PLB1: variants seen among roughly 807,000 people sequenced by gnomAD.
PLB1 encodes phospholipase B1, membrane-associated.
Under a neutral mutation model 227.4 loss-of-function variants are expected in PLB1, and 242 were observed. The observed-to-expected ratio is 1.06, with a 90% confidence interval of 0.96 to 1.18. The LOEUF (loss-of-function observed/expected upper bound fraction) is 1.18. PLB1 is among the 50% of genes most tolerant of loss of function. The pLI is 0.00. For missense variants in PLB1, 1,858 were observed against 1,816.3 expected (o/e 1.02, Z -0.42); for synonymous variants, 757 against 682.2 (o/e 1.11, Z -1.71).
intron 3 of PLB1, among the ~76,000 whole-genome samples, chr2:28,519,165 T>C (rs142861614): frequency 9.5e-4 from 145 of 152,260 alleles, no homozygotes; most frequent in African/African-American, 3.4e-3. Context: ...ACTTCATTGC[T>C]AAAGATGCCA....
At chr2:28,625,699 C>CT (rs1687658791) in intron 50 of PLB1, among the ~76,000 whole-genome samples, 1 of 152,152 alleles carries the variant, frequency 6.6e-6, no homozygotes, top group African/African-American at 2.4e-5. Context: ...CCAGGGGCAG[C>CT]TTAGGGCCTT....
At chr2:28,545,731 C>A (rs1446380966) in intron 14 of PLB1, among the ~76,000 whole-genome samples, 1 of 152,174 alleles carries the variant, frequency 6.6e-6, no homozygotes. Context: ...GCCACCACAT[C>A]TGTGATTCTT....
At chr2:28,553,675 T>C (rs983169192) in intron 17 of PLB1, among the ~76,000 whole-genome samples, 4 of 152,180 alleles carry the variant, frequency 2.6e-5, no homozygotes, top group Non-Finnish European at 5.9e-5. Flanking sequence ...AGCAGTGTTA[T>C]AGATTCCCAT....
At chr2:28,514,685 T>C (rs919830534) in intron 1 of PLB1, among the ~76,000 whole-genome samples, 9 of 152,172 alleles carry the variant, frequency 5.9e-5, no homozygotes, top group African/African-American at 2.2e-4. Flanking sequence ...TGGCCCTATA[T>C]AGAAAAAGTC....
rs545042084 is a variant in PLB1, at chr2:28,611,860, G to T, written c.3130-2171G>T. Among the ~76,000 whole-genome samples, 55 of 152,228 alleles carry T rather than the reference G, an allele frequency of 3.6e-4. 1 individual carries two copies. The highest frequency in any genetic ancestry group is 6.8e-4 in the Non-Finnish European group (46 of 68,022). Reference sequence around the variant, plus strand: ...ACCTCTCCTTGAAAGGATGTCAGGGGCTGGGCGCAGTGGCTCACGTCTGTA... The same window carrying T: ...ACCTCTCCTTGAAAGGATGTCAGGGTCTGGGCGCAGTGGCTCACGTCTGTA... On this transcript the variant is annotated intron_variant, in intron 43 of 57. Coordinates refer to ENST00000327757, the MANE Select transcript of PLB1 (RefSeq NM_153021.5).
At chr2:28,537,374 A>G (rs915641398) in intron 9 of PLB1, among the ~76,000 whole-genome samples, 1 of 152,072 alleles carries the variant, frequency 6.6e-6, no homozygotes, top group Non-Finnish European at 1.5e-5. Flanking sequence ...TTTGTCTTGT[A>G]ATTTTTATTA....
intron 14 of PLB1, among the ~76,000 whole-genome samples, chr2:28,547,644 C>T (rs188586048): frequency 1.4e-3 from 220 of 152,254 alleles, no homozygotes; most frequent in African/African-American, 5.1e-3. Context: ...TCCCACGTTC[C>T]TTGGCAGAGT....
intron 8 of PLB1, among the ~76,000 whole-genome samples, chr2:28,531,207 G>T (rs903275545): frequency 1.3e-5 from 2 of 152,038 alleles, no homozygotes; most frequent in East Asian, 1.9e-4. Context: ...TTAATAACTT[G>T]GTGTACATTA....
At chr2:28,516,091 A>C (rs1668816702) in intron 1 of PLB1, among the ~76,000 whole-genome samples, 1 of 152,264 alleles carries the variant, frequency 6.6e-6, no homozygotes, top group African/African-American at 2.4e-5. Flanking sequence ...TAATTTAAAA[A>C]TACTATAATT....
At chr2:28,512,613 TA>T (rs60636935) in intron 1 of PLB1, among the ~76,000 whole-genome samples, 4,096 of 152,288 alleles carry the variant, frequency 0.027, 182 homozygotes, top group African/African-American at 0.093. Flanking sequence ...TGCCTGGACT[TA>T]AACTGTGAAA....
rs764531427 is a variant in PLB1, at chr2:28,573,265, A to G, written c.1393A>G (p.Asn465Asp). ...TGGCACTGGGAAAGAAACCAGTCCT[A>G]ATGCCTTCTTAAACCAGGCTGTGGC... is the stretch of plus-strand genomic sequence containing the variant. ...SVGTGKETSP[N>D]AFLNQAVAGG... is the part of the protein sequence containing the mutation. The change falls in exon 21 of 58, where the codon AAT (asparagine) becomes GAT (aspartate). Residue 465 changes from asparagine (N) to aspartate (D), a missense_variant. Physicochemically the swap from Asn to Asp is conservative, Grantham distance 23. Coordinates refer to ENST00000327757, the MANE Select transcript of PLB1 (RefSeq NM_153021.5). The G allele has an allele frequency of 1.2e-6, 2 of 1,614,098 alleles. No individual in the cohort carries two copies. Among genetic ancestry groups the G allele is most frequent in the Non-Finnish European group, 1.7e-6 (2 of 1,180,010 alleles).
rs752834036 is a variant in PLB1, at chr2:28,601,898, G to GA, written c.2609dup (p.Asn870LysfsTer21). The GA allele has an allele frequency of 3.7e-6, 6 of 1,601,628 alleles. No homozygotes were observed. The highest frequency in any genetic ancestry group is 5.1e-6 in the Non-Finnish European group (6 of 1,168,898). On this transcript the variant is annotated frameshift_variant and splice_region_variant. Transcript: ENST00000327757. LOFTEE classifies it high-confidence loss of function. ...TTTTCCTCCTTCCTGTCTCTTTCTA[G>GA]AATCTGTATTCTGCAGCCAACTTTG...
In PLB1 at chr2:28,516,407, A is replaced by T. The variant is rs184842624; in HGVS notation, c.56-401A>T. On this transcript the variant is annotated intron_variant, in intron 1 of 57. Transcript: ENST00000327757. ...ATCACATTACCCTTCAAACTATTTT[A>T]TAATGTCCTTTGCCTTCCCTGCTTT... Among the ~76,000 whole-genome samples, 346 of 152,328 alleles carry T rather than the reference A, an allele frequency of 2.3e-3. 1 individual carries two copies. The highest frequency in any genetic ancestry group is 4.0e-3 in the Non-Finnish European group (275 of 68,038).
chr2:28,539,775 G>A (rs1454301433), intron 11 of PLB1, among the ~76,000 whole-genome samples: 2 of 151,962 alleles, frequency 1.3e-5, no homozygotes, highest in African/African-American at 4.8e-5. Flanking sequence ...ACAGGGGAGG[G>A]AAAGGGGAAT....
chr2:28,546,446 C>G (rs1457898591), intron 14 of PLB1, among the ~76,000 whole-genome samples: 1 of 152,172 alleles, frequency 6.6e-6, no homozygotes, highest in Non-Finnish European at 1.5e-5. Context: ...GCCCTCACCC[C>G]TCCCACACTG....
rs1195209209 is a variant in PLB1, at chr2:28,520,133, GGTC to G, written c.243+371_243+373del. On this transcript the variant is annotated intron_variant, in intron 4 of 57. Coordinates refer to ENST00000327757, the MANE Select transcript of PLB1 (RefSeq NM_153021.5). ...AGTAGAGACAGAGTTTCTCCATGTTGGTCAGGCTAGTCTCGAACTCCTGACCTC... is the reference window on the plus strand; with the variant it reads ...AGTAGAGACAGAGTTTCTCCATGTTGAGGCTAGTCTCGAACTCCTGACCTC... Among the ~76,000 whole-genome samples the G allele has an allele frequency of 1.2e-3, 183 of 151,944 alleles. 1 individual carries two copies. The highest frequency in any genetic ancestry group is 4.2e-3 in the African/African-American group (176 of 41,452).
At chr2:28,585,090 T>G (rs530036859) in intron 25 of PLB1, among the ~76,000 whole-genome samples, 1 of 152,286 alleles carries the variant, frequency 6.6e-6, no homozygotes, top group Non-Finnish European at 1.5e-5. Flanking sequence ...TCAATAATAA[T>G]TGCTAAGATA....
chr2:28,631,604 A>G (rs1283023071), intron 54 of PLB1, among the ~76,000 whole-genome samples: 1 of 152,166 alleles, frequency 6.6e-6, no homozygotes, highest in Non-Finnish European at 1.5e-5. Context: ...GTTCATGGGC[A>G]TTTTGGGAGC....
In PLB1 at chr2:28,582,123, T is replaced by A; in HGVS notation, c.1622T>A (p.Leu541His). The part of the protein sequence containing the change: ...TDNIGKALDI[L>H]HAEVPRAFVN... ...AACATTGGAAAGGCCCTGGACATCC[T>A]CCATGCTGAGGTACGGAGGCTAGGC... The change falls in exon 24 of 58, where the codon CTC becomes CAC. Residue 541 changes from leucine (L) to histidine (H), a missense_variant. Leu to His is a moderately conservative substitution (Grantham distance 99). Coordinates refer to ENST00000327757, the MANE Select transcript of PLB1 (RefSeq NM_153021.5). The A allele has an allele frequency of 6.2e-7, 1 of 1,613,858 alleles. No individual in the cohort carries two copies. Among genetic ancestry groups the A allele is most frequent in the Non-Finnish European group, 8.5e-7 (1 of 1,179,754 alleles).
Sources: allele counts gnomAD v4.1 joint callset (sites outside exome capture counted in the v4.1 genomes callset), GRCh38; gene constraint gnomAD v4.1.1; transcripts MANE v1.5; gene names NCBI Gene and HGNC (gene_info 2026-07-23, HGNC 2026-07-21).